The following RSBN1L variants were observed in gnomAD, a reference collection of about 807,000 sequenced individuals.
RSBN1L encodes lysine-specific demethylase RSBN1L.
Under a neutral mutation model 67.7 loss-of-function variants are expected in RSBN1L, and 30 were observed. That is an observed-to-expected ratio of 0.44 (90% CI 0.33 to 0.60). The LOEUF (loss-of-function observed/expected upper bound fraction) is 0.60. Among genes scored for constraint, RSBN1L ranks in the 20% least tolerant of loss-of-function variants. RSBN1L has a pLI of 0.02. For missense variants in RSBN1L, 992 were observed against 1,031.7 expected (o/e 0.96, Z 0.53); for synonymous variants, 433 against 387.0 (o/e 1.12, Z -1.39).
At chr7:77,738,354 T>C (rs1166058104) in intron 2 of RSBN1L, among the ~76,000 whole-genome samples, 1 of 152,110 alleles carries the variant, frequency 6.6e-6, no homozygotes, top group Non-Finnish European at 1.5e-5. Context: ...AAAATTTAGG[T>C]GATATTTTGA....
chr7:77,698,396 A>G (rs761434496), intron 1 of RSBN1L, among the ~76,000 whole-genome samples: 5 of 152,208 alleles, frequency 3.3e-5, no homozygotes, highest in African/African-American at 4.8e-5. Context: ...AATTTAGGAG[A>G]TAAGTGCCTG....
At chr7:77,725,771 G>T (rs1791194888) in intron 1 of RSBN1L, among the ~76,000 whole-genome samples, 1 of 151,864 alleles carries the variant, frequency 6.6e-6, no homozygotes, top group Non-Finnish European at 1.5e-5. Context: ...TGTATTTTTA[G>T]TAGAGACAGG....
intron 1 of RSBN1L, among the ~76,000 whole-genome samples, chr7:77,704,034 A>G (rs538961046): frequency 5.3e-5 from 8 of 152,336 alleles, no homozygotes; most frequent in Admixed American, 1.3e-4. Context: ...TTATGTGAAC[A>G]TGGTATATTG....
At chr7:77,748,350 G>C (rs1455666951) in intron 2 of RSBN1L, among the ~76,000 whole-genome samples, 1 of 152,124 alleles carries the variant, frequency 6.6e-6, no homozygotes, top group Non-Finnish European at 1.5e-5. Flanking sequence ...AAAATGACTT[G>C]AGTAAATATG....
intron 1 of RSBN1L, among the ~76,000 whole-genome samples, chr7:77,726,362 TC>T (rs1233401527): frequency 6.6e-6 from 1 of 152,188 alleles, no homozygotes; most frequent in African/African-American, 2.4e-5. Flanking sequence ...ATCTCAGACT[TC>T]CATCGCTTTT....
Position 77,780,748 on chromosome 7 carries a change from G to A in RSBN1L, c.*1580G>A, listed in dbSNP as rs1205429295. The A allele has an allele frequency of 4.6e-5, 7 of 152,126 alleles. No individual in the cohort carries two copies. The East Asian group carries it at 1.3e-3, about 29-fold the overall frequency. The allele number at this position is 152,126 out of a possible 1,614,324, so 9.4% of individuals were successfully genotyped here. A position where few individuals can be genotyped will look rare whatever the true frequency, so the allele number is the denominator to read the frequency against. ...AAACAACTTGGAGTACTTCCTTTTC[G>A]AAAGAAGTTCTAGAAATTAAATTGA... On this transcript the variant is annotated 3_prime_UTR_variant, in exon 8 of 8. Transcript: ENST00000334955.
chr7:77,773,397 A>G, intron 6 of RSBN1L, 83 bp downstream of exon 6: 1 of 1,004,858 alleles, frequency 1.0e-6, no homozygotes, highest in Non-Finnish European at 1.4e-6. Flanking sequence ...ATTCCTCCTT[A>G]CTGTGGGAAA....
rs542689339 is a variant in RSBN1L at position 77,779,985 on chromosome 7, C to T, written c.*817C>T. ...TAGCTGGGACTACAGGCACGCACCA[C>T]AACACCCAGCTAATTTTTGTATTTT... is the stretch of plus-strand genomic sequence containing the variant. On this transcript the variant is annotated 3_prime_UTR_variant, in exon 8 of 8. Transcript: ENST00000334955. The T allele has an allele frequency of 1.3e-5, 2 of 152,228 alleles. 1 individual carries two copies. The highest frequency in any genetic ancestry group is 4.2e-4 in the South Asian group (2 of 4,814). 9.4% of individuals were successfully genotyped at this position (152,228 alleles called of 1,614,324 possible). A position where few individuals can be genotyped will look rare whatever the true frequency, so the allele number is the denominator to read the frequency against.
chr7:77,773,989 AAAT>A (rs1245600709), intron 6 of RSBN1L, among the ~76,000 whole-genome samples: 2 of 152,160 alleles, frequency 1.3e-5, no homozygotes, highest in African/African-American at 2.4e-5. Context: ...CAGGGCTGTC[AAAT>A]AATTTTTTTT....
chr7:77,720,042 G>T (rs1043994668), intron 1 of RSBN1L, among the ~76,000 whole-genome samples: 2 of 152,178 alleles, frequency 1.3e-5, no homozygotes, highest in African/African-American at 4.8e-5. Flanking sequence ...GGGATTGCAG[G>T]TGTGAGCCAC....
chr7:77,696,854 C>G lies in RSBN1L; in HGVS notation c.385C>G (p.Leu129Val), dbSNP rs751464901. Residue 129 changes from leucine to valine, a missense_variant, in exon 1 of 8, where the codon CTG (leucine) becomes GTG (valine). Transcript: ENST00000334955. ...SLSQPVPRKLLVPPTLLHAQP... is the reference protein window; with the variant it reads ...SLSQPVPRKLVVPPTLLHAQP... ...GTCTCAGCCGGTGCCGCGCAAACTG[C>G]TGGTCCCTCCTACGCTGCTGCACGC... is the stretch of plus-strand genomic sequence containing the variant. 1.2e-6 allele frequency: 2 copies of G among 1,612,418 alleles called. No individual in the cohort carries two copies. Among genetic ancestry groups the G allele is most frequent in the Non-Finnish European group, 1.7e-6 (2 of 1,179,912 alleles).
intron 3 of RSBN1L, among the ~76,000 whole-genome samples, chr7:77,756,692 C>T (rs1369213516): frequency 1.3e-5 from 2 of 151,990 alleles, no homozygotes; most frequent in East Asian, 1.9e-4. Flanking sequence ...GCAGGAGAAT[C>T]GCTTGAATCC....
At chr7:77,719,075 G>A (rs1451941932) in intron 1 of RSBN1L, among the ~76,000 whole-genome samples, 1 of 152,164 alleles carries the variant, frequency 6.6e-6, no homozygotes, top group Non-Finnish European at 1.5e-5. Flanking sequence ...GACACCCAGC[G>A]ACATAGGTGG....
chr7:77,766,307 C>T (rs1791765646), intron 4 of RSBN1L, among the ~76,000 whole-genome samples: 1 of 152,200 alleles, frequency 6.6e-6, no homozygotes, highest in Non-Finnish European at 1.5e-5. Flanking sequence ...ACGTCAGCCT[C>T]CCAAGTACCT....
chr7:77,772,447 A>C (rs1036322408), intron 5 of RSBN1L, among the ~76,000 whole-genome samples: 1 of 152,244 alleles, frequency 6.6e-6, no homozygotes, highest in Non-Finnish European at 1.5e-5. Context: ...GGTTTCTGCA[A>C]TGAGTGAGGC....
In RSBN1L at chr7:77,696,705, G is replaced by A. The variant is rs553415731; in HGVS notation, c.236G>A (p.Ser79Asn). 72 of 1,613,526 alleles carry A rather than the reference G, an allele frequency of 4.5e-5. No individual in the cohort carries two copies. In the Admixed American group the frequency reaches 1.1e-3, roughly 25 times the overall value. Reference protein sequence around the residue: ...LQPPAAPSPQSYGSPASWSFA... With the variant: ...LQPPAAPSPQNYGSPASWSFA... ...CCGCCGGCAGCACCTTCGCCTCAGA[G>A]CTATGGCAGCCCCGCGTCTTGGAGC... is the stretch of plus-strand genomic sequence containing the variant. Residue 79 changes from serine (S) to asparagine (N), a missense_variant, in exon 1 of 8, where the codon AGC (serine) becomes AAC (asparagine). By Grantham distance (46) the Ser-to-Asn change is conservative. Transcript: ENST00000334955.
At chr7:77,716,624 CTTTTTTTTTTTTT>C (rs61611975) in intron 1 of RSBN1L, among the ~76,000 whole-genome samples, 2 of 75,290 alleles carry the variant, frequency 2.7e-5, no homozygotes, top group East Asian at 3.9e-4. Context: ...GTATCTTCAT[CTTTTTTTTTTTTT>C]TTTTTTTTTT....
At chr7:77,743,448 TAAATA>T (rs1463244148) in intron 2 of RSBN1L, among the ~76,000 whole-genome samples, 2 of 139,508 alleles carry the variant, frequency 1.4e-5, no homozygotes, top group East Asian at 3.9e-4. Flanking sequence ...AAAAAATAAA[TAAATA>T]AGTTGGTTTT....
chr7:77,754,059 A>G (rs1791587753), intron 3 of RSBN1L, among the ~76,000 whole-genome samples: 1 of 152,174 alleles, frequency 6.6e-6, no homozygotes, highest in Non-Finnish European at 1.5e-5. Context: ...ATTGATAGAT[A>G]CAGGGTCTTG....
Sources: allele counts gnomAD v4.1 joint callset (sites outside exome capture counted in the v4.1 genomes callset), GRCh38; gene constraint gnomAD v4.1.1; transcripts MANE v1.5; gene names NCBI Gene and HGNC (gene_info 2026-07-23, HGNC 2026-07-21).